Variants in BLTP3A observed in about 807,000 individuals in gnomAD.
The protein encoded by BLTP3A is bridge-like lipid transfer protein family member 3A, also known as ICBP90 binding protein 1.
At chr6:34,792,901 C>A in the BLTP3A span, among the ~76,000 whole-genome samples, 1 of 152,204 alleles carries the variant, frequency 6.6e-6, no homozygotes, top group Non-Finnish European at 1.5e-5. Context: ...TCTGTCTGAC[C>A]CTGTTGCATC....
the BLTP3A span, chr6:34,859,127 A>G: frequency 6.2e-7 from 1 of 1,613,526 alleles, no homozygotes; most frequent in Non-Finnish European, 8.5e-7. Context: ...TCATCAGACC[A>G]GGGCCCAGCA....
At chr6:34,857,515 C>G in the BLTP3A span, 3 of 1,595,716 alleles carry the variant, frequency 1.9e-6, no homozygotes, top group African/African-American at 4.1e-5. Context: ...TCATGCTTTT[C>G]CCATTTGTCA....
At chr6:34,799,157 G>A in the BLTP3A span, among the ~76,000 whole-genome samples, 1 of 152,148 alleles carries the variant, frequency 6.6e-6, no homozygotes, top group Non-Finnish European at 1.5e-5. Context: ...GGCCGGGCTG[G>A]TCTTGAACTC....
the BLTP3A span, among the ~76,000 whole-genome samples, chr6:34,820,060 T>C: frequency 6.6e-6 from 1 of 152,066 alleles, no homozygotes; most frequent in Admixed American, 6.5e-5. Flanking sequence ...TGTGTAGGGG[T>C]CTGGGATTTC....
chr6:34,858,413 G>T, the BLTP3A span: 2 of 1,614,088 alleles, frequency 1.2e-6, no homozygotes, highest in Non-Finnish European at 1.7e-6. Context: ...CCTCCCCAGA[G>T]ACCTAAGGCT....
At chr6:34,796,929 T>A in the BLTP3A span, among the ~76,000 whole-genome samples, 1 of 152,202 alleles carries the variant, frequency 6.6e-6, no homozygotes, top group Non-Finnish European at 1.5e-5. Flanking sequence ...CGTCTTGATC[T>A]CTTGACCTGG....
At chr6:34,792,756 C>T in the BLTP3A span, among the ~76,000 whole-genome samples, 3 of 152,270 alleles carry the variant, frequency 2.0e-5, no homozygotes, top group African/African-American at 7.2e-5. Context: ...GGCCTCTGAC[C>T]GCCCTCCTCT....
the BLTP3A span, among the ~76,000 whole-genome samples, chr6:34,817,869 G>C: frequency 1.0e-5 from 1 of 96,834 alleles, no homozygotes. Flanking sequence ...TTTTTTTTTT[G>C]GGGGGGTGGA....
chr6:34,827,348 A>G, the BLTP3A span, among the ~76,000 whole-genome samples: 1 of 152,144 alleles, frequency 6.6e-6, no homozygotes, highest in Non-Finnish European at 1.5e-5. Flanking sequence ...AAAGAGAAAA[A>G]TAAATCATGA....
At chr6:34,816,553 C>T in the BLTP3A span, among the ~76,000 whole-genome samples, 1 of 152,106 alleles carries the variant, frequency 6.6e-6, no homozygotes, top group South Asian at 2.1e-4. Flanking sequence ...GTCGAGGCTG[C>T]AGTGAGCCGT....
chr6:34,833,827 C>T, the BLTP3A span, among the ~76,000 whole-genome samples: 108 of 143,360 alleles, frequency 7.5e-4, 1 homozygote, highest in African/African-American at 2.7e-3. Flanking sequence ...GAGGCTGAGG[C>T]AGGAGAATAC....
At chr6:34,799,619 A>C in the BLTP3A span, among the ~76,000 whole-genome samples, 66,653 of 152,130 alleles carry the variant, frequency 0.44, 16,409 homozygotes, top group African/African-American at 0.67. Flanking sequence ...ATTGAGAAGC[A>C]TGTCAATGTA....
At chr6:34,860,452 A>T in the BLTP3A span, among the ~76,000 whole-genome samples, 1 of 152,168 alleles carries the variant, frequency 6.6e-6, no homozygotes, top group Non-Finnish European at 1.5e-5. Flanking sequence ...TGTCTAAGTG[A>T]ATTATCTTAA....
At chr6:34,828,528 G>A in the BLTP3A span, among the ~76,000 whole-genome samples, 2 of 151,042 alleles carry the variant, frequency 1.3e-5, no homozygotes, top group Non-Finnish European at 2.9e-5. Flanking sequence ...GTGAAGAGAT[G>A]TTCTTTATTC....
At chr6:34,818,729 A>G in the BLTP3A span, among the ~76,000 whole-genome samples, 22,169 of 152,056 alleles carry the variant, frequency 0.15, 1,964 homozygotes, top group African/African-American at 0.25. Context: ...CATCATGCCA[A>G]TGCATTCCTG....
At chr6:34,802,876 A>T in the BLTP3A span, among the ~76,000 whole-genome samples, 1 of 151,976 alleles carries the variant, frequency 6.6e-6, no homozygotes, top group African/African-American at 2.4e-5. Flanking sequence ...TATTATATGT[A>T]AAAAAAATCA....
chr6:34,795,200 C>T, the BLTP3A span, among the ~76,000 whole-genome samples: 10,270 of 151,826 alleles, frequency 0.068, 558 homozygotes, highest in East Asian at 0.33. Context: ...CCTCCTGCCT[C>T]AGCCTCCTGA....
chr6:34,844,147 AT>A, the BLTP3A span, among the ~76,000 whole-genome samples: 1 of 151,390 alleles, frequency 6.6e-6, no homozygotes, highest in Non-Finnish European at 1.5e-5. Context: ...CGCCCGGCTA[AT>A]TTTTTTTGTA....
the BLTP3A span, among the ~76,000 whole-genome samples, chr6:34,815,933 A>C: frequency 6.6e-6 from 1 of 152,200 alleles, no homozygotes; most frequent in Non-Finnish European, 1.5e-5. Context: ...GGTGTGAGCA[A>C]CCGTGCCCGG....
Sources: gnomAD v4.1 joint callset for allele counts (sites outside exome capture counted in the v4.1 genomes callset) on GRCh38, gnomAD v4.1.1 for gene constraint, MANE v1.5 for transcripts, NCBI Gene and HGNC (gene_info 2026-07-23, HGNC 2026-07-21) for gene names.